The following ADD3 variants were observed in gnomAD, a reference collection of about 807,000 sequenced individuals.
The protein encoded by ADD3 is gamma-adducin.
ADD3 carries 25 observed loss-of-function variants against 80.2 expected under a neutral mutation model. The ratio of observed to expected loss-of-function variants is 0.31; its 90% CI spans 0.23 to 0.44. The LOEUF (loss-of-function observed/expected upper bound fraction) is 0.44. ADD3 is among the 20% of genes least tolerant of loss of function. ADD3 has a pLI of 1.00. For missense variants in ADD3, 829 were observed against 847.5 expected, an observed-to-expected ratio of 0.98 and a Z score of 0.27; for synonymous variants, 284 against 289.6, an observed-to-expected ratio of 0.98 and a Z score of 0.20.
chr10:110,126,464 T>G lies in ADD3; in HGVS notation c.1569T>G (p.Ser523=), dbSNP rs1852171533. ...ACTTGAAAACAGCAGGACCACAATC[T>G]CAGTTGCTTGCTGGAATTGTTGTGG... The part of the protein sequence containing the change: ...RYDLKTAGPQ[S]QLLAGIVVDK... Residue 523 remains serine (S), a synonymous_variant, in exon 12 of 15, where the codon TCT becomes TCG. Transcript: ENST00000356080. The G allele has an allele frequency of 6.2e-7, 1 of 1,613,582 alleles. No individual in the cohort carries two copies. The highest frequency in any genetic ancestry group is 1.7e-5 in the Admixed American group (1 of 60,004).
At chr10:110,042,948 G>C (rs1856538192) in intron 1 of ADD3, among the ~76,000 whole-genome samples, 1 of 152,142 alleles carries the variant, frequency 6.6e-6, no homozygotes, top group Non-Finnish European at 1.5e-5. Flanking sequence ...TTCTACTTCA[G>C]AGTTTCGGTG....
chr10:110,037,629 A>G (rs1052276627), intron 1 of ADD3, among the ~76,000 whole-genome samples: 2 of 151,636 alleles, frequency 1.3e-5, no homozygotes, highest in Non-Finnish European at 2.9e-5. Context: ...AAAAAAGTTA[A>G]CTATATAATA....
At chr10:110,017,855 T>G (rs1853181154) in intron 1 of ADD3, among the ~76,000 whole-genome samples, 2 of 152,174 alleles carry the variant, frequency 1.3e-5, no homozygotes, top group South Asian at 4.1e-4. Flanking sequence ...TGAGTAATGG[T>G]CTTGTTTGTT....
At chr10:110,090,262 C>G (rs1055845078) in intron 1 of ADD3, among the ~76,000 whole-genome samples, 3 of 149,756 alleles carry the variant, frequency 2.0e-5, no homozygotes, top group Admixed American at 6.7e-5. Flanking sequence ...CTCTGTCGCC[C>G]AGGCTGGAGT....
chr10:110,134,461 A>G lies in ADD3; in HGVS notation c.*843A>G, dbSNP rs1240181288. On this transcript the variant is annotated 3_prime_UTR_variant, in exon 15 of 15. Transcript: ENST00000356080. ...TGCTTGGTACTGAGTATACTTAAAT[A>G]TAACTCCAGAATCCAGGGACTTGGT... The G allele has an allele frequency of 6.6e-6, 1 of 152,614 alleles. No homozygotes were observed. The highest frequency in any genetic ancestry group is 2.4e-5 in the African/African-American group (1 of 41,450). 9.5% of individuals were successfully genotyped at this position (152,614 alleles called of 1,614,324 possible).
intron 1 of ADD3, among the ~76,000 whole-genome samples, chr10:110,012,767 T>C (rs1253732520): frequency 6.7e-6 from 1 of 148,798 alleles, no homozygotes; most frequent in East Asian, 2.0e-4. Context: ...TTTTTTTTTT[T>C]CTTCTTTTGT....
At chr10:110,007,430 C>A (rs1366864122), upstream of ADD3, among the ~76,000 whole-genome samples, 1 of 152,196 alleles carries the variant, frequency 6.6e-6, no homozygotes, top group Admixed American at 6.5e-5. Context: ...CAGCAGCCAG[C>A]GTGGGCGGCC....
chr10:110,133,497 A>C lies in ADD3; in HGVS notation c.2000A>C (p.Lys667Thr), dbSNP rs1590280092. The part of the protein sequence containing the change: ...NIEITIKSPE[K>T]IEEVLSPEGS... ...GAGATTACTATTAAGTCTCCAGAGA[A>C]AATCGAAGAAGTCCTGTCACCTGAA... The change falls in exon 15 of 15, where the codon AAA (lysine) becomes ACA (threonine). Residue 667 changes from lysine (K) to threonine (T), a missense_variant. Transcript: ENST00000356080. 6.2e-7 allele frequency: 1 copy of C among 1,613,936 alleles called. No homozygotes were observed. The highest frequency in any genetic ancestry group is 2.2e-5 in the East Asian group (1 of 44,876).
chr10:110,010,942 A>G (rs1372242963), intron 1 of ADD3, among the ~76,000 whole-genome samples: 1 of 152,198 alleles, frequency 6.6e-6, no homozygotes, highest in East Asian at 1.9e-4. Flanking sequence ...GCTTAAATCT[A>G]AGGAGTGGTG....
At position 110,099,083 on chromosome 10, in the gene ADD3, C is replaced by CT. The variant is rs34380039; in HGVS notation, c.-29-1526dup. On this transcript the variant is annotated intron_variant, in intron 1 of 14. Transcript: ENST00000356080. ...TACAGGTGCATGCCAACACGCCTGG[C>CT]TTTTTTTTTTTTTTTTAATTTATTT... is the stretch of plus-strand genomic sequence containing the variant. Among the ~76,000 whole-genome samples, 826 of 135,862 alleles carry CT rather than the reference C, an allele frequency of 6.1e-3. 6 individuals are homozygous for CT. The highest frequency in any genetic ancestry group is 0.014 in the African/African-American group (505 of 36,854). The allele number at this position is 135,862 out of a possible 152,430, so 89.1% of individuals were successfully genotyped here.
chr10:110,042,132 G>GT (rs1184411125), intron 1 of ADD3, among the ~76,000 whole-genome samples: 1 of 152,098 alleles, frequency 6.6e-6, no homozygotes, highest in Non-Finnish European at 1.5e-5. Context: ...ATCTTTGTAG[G>GT]TAAGTATTTC....
At chr10:110,133,257 A>C (rs1476059681) in intron 14 of ADD3, 69 bp from the exon 15 acceptor site, 1 of 1,450,516 alleles carries the variant, frequency 6.9e-7, no homozygotes, top group African/African-American at 1.4e-5. Flanking sequence ...AAAACATTTC[A>C]GTTTTGTAAA....
At chr10:110,071,418 TAA>T (rs1365826445) in intron 1 of ADD3, among the ~76,000 whole-genome samples, 3 of 152,192 alleles carry the variant, frequency 2.0e-5, no homozygotes, top group South Asian at 2.1e-4. Context: ...CAGTTAAAAA[TAA>T]AAGTTATACC....
At chr10:110,129,681 T>G (rs1852686025) in intron 12 of ADD3, among the ~76,000 whole-genome samples, 1 of 152,216 alleles carries the variant, frequency 6.6e-6, no homozygotes, top group Non-Finnish European at 1.5e-5. Context: ...ATTTGCATCC[T>G]TTTTTTCAGG....
intron 2 of ADD3, among the ~76,000 whole-genome samples, chr10:110,101,814 C>G (rs1158563513): frequency 6.6e-6 from 1 of 151,532 alleles, no homozygotes; most frequent in Non-Finnish European, 1.5e-5. Context: ...GAATTTGTAA[C>G]TTTCTGCATG....
chr10:110,043,353 G>T (rs769684961), intron 1 of ADD3, among the ~76,000 whole-genome samples: 5 of 152,006 alleles, frequency 3.3e-5, no homozygotes, highest in Non-Finnish European at 5.9e-5. Flanking sequence ...TTTAAGTATG[G>T]CTGATCTTTT....
intron 1 of ADD3, among the ~76,000 whole-genome samples, chr10:110,073,268 G>C (rs887688401): frequency 6.7e-6 from 1 of 148,478 alleles, no homozygotes; most frequent in Non-Finnish European, 1.5e-5. Flanking sequence ...TCAGCCTCCC[G>C]AGTAGCTGGG....
At chr10:110,033,338 A>G (rs1855275502) in intron 1 of ADD3, among the ~76,000 whole-genome samples, 1 of 152,236 alleles carries the variant, frequency 6.6e-6, no homozygotes, top group South Asian at 2.1e-4. Context: ...AGCAGAATTC[A>G]AGCACAGCAT....
At chr10:110,038,311 C>G (rs1203167709) in intron 1 of ADD3, among the ~76,000 whole-genome samples, 1 of 152,088 alleles carries the variant, frequency 6.6e-6, no homozygotes, top group East Asian at 1.9e-4. Flanking sequence ...CCCCCATCCC[C>G]CAGAGCCTTT....
Sources: allele counts gnomAD v4.1 joint callset (sites outside exome capture counted in the v4.1 genomes callset), GRCh38; gene constraint gnomAD v4.1.1; transcripts MANE v1.5; gene names NCBI Gene and HGNC (gene_info 2026-07-23, HGNC 2026-07-21).